Variants in TBC1D32 observed in about 807,000 individuals in gnomAD.
TBC1D32 encodes TBC1 domain family member 32, also known as protein broad-minded.
Under a neutral mutation model 170.3 loss-of-function variants are expected in TBC1D32, and 151 were observed. The observed-to-expected ratio is 0.89, with a 90% confidence interval of 0.78 to 1.01. TBC1D32 has a LOEUF of 1.01. Among genes scored for constraint, TBC1D32 ranks in the 50% least tolerant of loss-of-function variants. TBC1D32 has a pLI of 0.00. For missense variants in TBC1D32, 1,464 were observed against 1,457.1 expected, an observed-to-expected ratio of 1.00 and a Z score of -0.08; for synonymous variants, 498 against 488.0, an observed-to-expected ratio of 1.02 and a Z score of -0.27.
At chr6:121,145,826 C>T (rs1783362111) in intron 24 of TBC1D32, among the ~76,000 whole-genome samples, 1 of 152,114 alleles carries the variant, frequency 6.6e-6, no homozygotes, top group Non-Finnish European at 1.5e-5. Flanking sequence ...TCAAGGAGAT[C>T]TACCTGAATA....
chr6:121,325,359 C>T (rs943885165), intron 1 of TBC1D32, among the ~76,000 whole-genome samples: 33 of 118,060 alleles, frequency 2.8e-4, no homozygotes, highest in African/African-American at 9.0e-4. Flanking sequence ...AGGCATCACG[C>T]TACCTGACTT....
chr6:121,199,740 T>C (rs1374229016), intron 22 of TBC1D32, among the ~76,000 whole-genome samples: 2 of 151,254 alleles, frequency 1.3e-5, no homozygotes, highest in Non-Finnish European at 2.9e-5. Context: ...CAAGAGGTAA[T>C]TGTGAGATTA....
intron 5 of TBC1D32, among the ~76,000 whole-genome samples, chr6:121,306,651 C>A (rs2128482359): frequency 6.6e-6 from 1 of 152,242 alleles, no homozygotes; most frequent in East Asian, 1.9e-4. Context: ...AAATGCAATT[C>A]TTGGATAATC....
chr6:121,334,611 A>G (rs547687538), upstream of TBC1D32: 67 of 690,460 alleles, frequency 9.7e-5, no homozygotes, highest in East Asian at 1.8e-3. Flanking sequence ...AAAACGAGTC[A>G]CCTTACTTTG....
intron 30 of TBC1D32, among the ~76,000 whole-genome samples, chr6:121,098,844 C>G (rs1222835414): frequency 6.6e-6 from 1 of 151,736 alleles, no homozygotes; most frequent in Non-Finnish European, 1.5e-5. Context: ...TACTGACAAG[C>G]AAAAATAACT....
At chr6:121,098,224 C>T (rs141897957) in intron 30 of TBC1D32, among the ~76,000 whole-genome samples, 3,751 of 148,920 alleles carry the variant, frequency 0.025, 168 homozygotes, top group East Asian at 0.13. Context: ...AATAATAAAA[C>T]ATTAAGTCAA....
chr6:121,268,226 G>A (rs567123392), intron 15 of TBC1D32, among the ~76,000 whole-genome samples: 2 of 152,112 alleles, frequency 1.3e-5, no homozygotes, highest in African/African-American at 2.4e-5. Context: ...GCAGCTCCTC[G>A]CCAGCAACAG....
intron 25 of TBC1D32, chr6:121,129,719 A>T (rs1781226613): frequency 4.8e-6 from 1 of 207,548 alleles, no homozygotes; most frequent in Non-Finnish European, 1.0e-5. Context: ...AGACTTAGGA[A>T]TAGCATCTGT....
rs1355648470 is a variant in TBC1D32 at position 121,256,193 on chromosome 6, A to C, written c.1826T>G (p.Val609Gly). The C allele has an allele frequency of 6.2e-7, 1 of 1,614,036 alleles. No homozygotes were observed. Among genetic ancestry groups the C allele is most frequent in the South Asian group, 1.1e-5 (1 of 91,070 alleles). The part of the protein sequence containing the change: ...IFSGSEMLPV[V>G]KGAFISVCRH... ...ACACACAGAAATAAAAGCTCCTTTA[A>C]CCACAGGCAACATTTCTGATCCAGA... Residue 609 changes from valine to glycine, a missense_variant, in exon 16 of 32, where the codon GTT (valine) becomes GGT (glycine). Transcript: ENST00000398212.
intron 24 of TBC1D32, among the ~76,000 whole-genome samples, chr6:121,153,693 G>A (rs754720421): frequency 9.2e-5 from 14 of 152,130 alleles, no homozygotes; most frequent in South Asian, 2.1e-4. Flanking sequence ...TGCCCTGCCC[G>A]GAGAGGAGGA....
rs548122023 is a variant in TBC1D32, at chr6:121,205,204, T to A, written c.2482-41A>T. 1.6e-4 allele frequency: 166 copies of A among 1,010,598 alleles called. No homozygotes were observed. In the South Asian group the frequency reaches 2.9e-3, roughly 18 times the overall value. 62.6% of individuals were successfully genotyped at this position (1,010,598 alleles called of 1,614,324 possible). On this transcript the variant is annotated intron_variant, in intron 21 of 31. Transcript: ENST00000398212. ...AAAATGAGACTGTATTTAACTGATA[T>A]CATTTAAAGAAAATTAAGTCAACAA...
chr6:121,143,945 T>C (rs752948217), intron 24 of TBC1D32, among the ~76,000 whole-genome samples: 2 of 152,116 alleles, frequency 1.3e-5, no homozygotes, highest in Non-Finnish European at 2.9e-5. Flanking sequence ...ATATCAGCAA[T>C]ATCAGAATGA....
chr6:121,299,909 T>C (rs903318206), intron 9 of TBC1D32, among the ~76,000 whole-genome samples: 8 of 152,158 alleles, frequency 5.3e-5, no homozygotes, highest in African/African-American at 1.9e-4. Context: ...TGTGCAGAAA[T>C]GTGCCAACAC....
intron 31 of TBC1D32, 120 bp downstream of exon 31, chr6:121,090,733 G>T (rs1776718195): frequency 1.2e-6 from 1 of 850,318 alleles, no homozygotes; most frequent in African/African-American, 1.7e-5. Context: ...GATGATAATA[G>T]TATCTACCTC....
chr6:121,304,803 ATGTC>A lies in TBC1D32; in HGVS notation c.717_720del (p.Gln239HisfsTer9), dbSNP rs1294839258. The A allele has an allele frequency of 1.2e-6, 2 of 1,609,976 alleles. No individual in the cohort carries two copies. Among genetic ancestry groups the A allele is most frequent in the African/African-American group, 1.3e-5 (1 of 74,828 alleles). The stretch of plus-strand genomic sequence containing the variant: ...GTCATATGTAATGGAGAAAGCAAAA[ATGTC>A]TGTGCACAGAATTTTAAAATCCGGT... On this transcript the variant is annotated frameshift_variant, in exon 6 of 32. Coordinates refer to ENST00000398212, the MANE Select transcript of TBC1D32 (RefSeq NM_152730.6). LOFTEE classifies it high-confidence loss of function.
chr6:121,185,102 G>A (rs941193237), intron 22 of TBC1D32, among the ~76,000 whole-genome samples: 6 of 150,930 alleles, frequency 4.0e-5, no homozygotes, highest in African/African-American at 1.5e-4. Flanking sequence ...CATTAGCAAT[G>A]GTCCATAAAC....
intron 1 of TBC1D32, 146 bp downstream of exon 1, chr6:121,334,130 T>G (rs1037049851): frequency 1.6e-6 from 1 of 635,504 alleles, no homozygotes; most frequent in African/African-American, 1.9e-5. Flanking sequence ...TTAAATAAAT[T>G]CGACGTTTTG....
At chr6:121,265,333 C>T (rs61993503) in intron 15 of TBC1D32, among the ~76,000 whole-genome samples, 1 of 152,004 alleles carries the variant, frequency 6.6e-6, no homozygotes, top group Non-Finnish European at 1.5e-5. Flanking sequence ...GAATAAAATA[C>T]CTAGGAATAC....
chr6:121,331,198 T>G lies in TBC1D32; in HGVS notation c.155+3078A>C, dbSNP rs183386683. 9.2e-5 allele frequency among the ~76,000 whole-genome samples: 14 copies of G among 151,704 alleles called. No individual in the cohort carries two copies. The East Asian group carries it at 1.2e-3, about 13-fold the overall frequency. The stretch of plus-strand genomic sequence containing the variant: ...TTTCCCCTATAAGTCTTTTTGGTTT[T>G]TTGTTGTTGTTGTTGTTGTTGTTTT... On this transcript the variant is annotated intron_variant, in intron 1 of 31. Coordinates refer to ENST00000398212, the MANE Select transcript of TBC1D32 (RefSeq NM_152730.6).
Sources: allele counts gnomAD v4.1 joint callset (sites outside exome capture counted in the v4.1 genomes callset), GRCh38; gene constraint gnomAD v4.1.1; transcripts MANE v1.5; gene names NCBI Gene and HGNC (gene_info 2026-07-23, HGNC 2026-07-21).